YEATS2: variants seen among roughly 807,000 people sequenced by gnomAD.
YEATS2 encodes YEATS domain containing 2, also known as YEATS domain-containing protein 2.
YEATS2 carries 77 observed loss-of-function variants against 163.2 expected under a neutral mutation model. That is an observed-to-expected ratio of 0.47 (90% CI 0.39 to 0.57). YEATS2 has a LOEUF of 0.57. Ranked by LOEUF, YEATS2 falls within the 20% of genes least tolerant of loss-of-function variation. The pLI, the probability that YEATS2 is intolerant of heterozygous loss-of-function variation, is 0.00. For missense variants in YEATS2, 1,549 were observed against 1,729.8 expected (o/e 0.90, Z 1.85); for synonymous variants, 631 against 645.1 (o/e 0.98, Z 0.33).
At chr3:183,801,570 C>A in intron 25 of YEATS2, 42 bp downstream of exon 25, 2 of 1,476,518 alleles carry the variant, frequency 1.4e-6, no homozygotes, top group Non-Finnish European at 1.9e-6. Flanking sequence ...TTTTTGAAAG[C>A]TGTGAACTTA....
At chr3:183,807,650 T>C (rs1726356376) in intron 28 of YEATS2, 1 of 214,096 alleles carries the variant, frequency 4.7e-6, no homozygotes, top group South Asian at 7.2e-5. Context: ...TGTGCTTTCA[T>C]TGGATGCCAT....
chr3:183,812,510 AAAAG>A lies in YEATS2; in HGVS notation c.*1931_*1934del, dbSNP rs1443432554. The A allele has an allele frequency of 6.5e-6, 1 of 152,682 alleles. No individual in the cohort carries two copies. The highest frequency in any genetic ancestry group is 1.5e-5 in the Non-Finnish European group (1 of 68,042). 9.5% of individuals were successfully genotyped at this position (152,682 alleles called of 1,614,324 possible). A position where few individuals can be genotyped will look rare whatever the true frequency, so the allele number is the denominator to read the frequency against. On this transcript the variant is annotated 3_prime_UTR_variant, in exon 31 of 31. Coordinates refer to ENST00000305135, the MANE Select transcript of YEATS2 (RefSeq NM_018023.5). ...CAGCCTAAAGAAATTATCTTTTTGC[AAAAG>A]AAATATTAAATGATTTAGCAGTCTC... is the stretch of plus-strand genomic sequence containing the variant.
chr3:183,730,052 G>GTTTGTTTTTTTTTTTTTTTT lies in YEATS2; in HGVS notation c.812+1204_812+1205insGTTTTTTTTTTTTTTTTTTT, dbSNP rs1560244258. ...ATATTAATTGTGTGGTTTTTTGTTT[G>GTTTGTTTTTTTTTTTTTTTT]TTTTTTTTTTTTTTTTTTTTTTTTT... On this transcript the variant is annotated intron_variant, in intron 7 of 30. Coordinates refer to ENST00000305135, the MANE Select transcript of YEATS2 (RefSeq NM_018023.5). Among the ~76,000 whole-genome samples, 10 of 41,718 alleles carry GTTTGTTTTTTTTTTTTTTTT rather than the reference G, an allele frequency of 2.4e-4. 1 individual carries two copies. Among genetic ancestry groups the GTTTGTTTTTTTTTTTTTTTT allele is most frequent in the South Asian group, 1.4e-3 (1 of 702 alleles). The allele number at this position is 41,718 out of a possible 152,430, so 27.4% of individuals were successfully genotyped here.
intron 7 of YEATS2, among the ~76,000 whole-genome samples, chr3:183,732,018 A>G (rs1323910571): frequency 3.4e-5 from 5 of 148,012 alleles, no homozygotes; most frequent in African/African-American, 1.3e-4. Context: ...GAGAAATCAT[A>G]TGCTGTGATC....
chr3:183,723,543 A>T (rs1716756300), intron 5 of YEATS2, among the ~76,000 whole-genome samples: 1 of 152,228 alleles, frequency 6.6e-6, no homozygotes, highest in Admixed American at 6.5e-5. Flanking sequence ...AGAACTCTTC[A>T]CTGTTTGGAT....
chr3:183,788,028 A>C (rs2108467678), intron 20 of YEATS2, among the ~76,000 whole-genome samples: 1 of 152,274 alleles, frequency 6.6e-6, no homozygotes, highest in East Asian at 1.9e-4. Context: ...ATAAATTATT[A>C]TGGGTACATA....
intron 1 of YEATS2, among the ~76,000 whole-genome samples, chr3:183,712,275 A>G (rs1715355009): frequency 7.6e-6 from 1 of 132,084 alleles, no homozygotes; most frequent in Non-Finnish European, 1.6e-5. Context: ...CAGTGGTACA[A>G]TCTCGGCTCA....
chr3:183,780,871 A>C (rs1723499343), intron 19 of YEATS2, among the ~76,000 whole-genome samples: 1 of 152,230 alleles, frequency 6.6e-6, no homozygotes. Flanking sequence ...TGGAACATTA[A>C]CAAATTGATT....
chr3:183,806,080 G>C, intron 27 of YEATS2: 1 of 351,288 alleles, frequency 2.8e-6, no homozygotes, highest in South Asian at 2.2e-5. Context: ...TTGATGTTGT[G>C]ACTTTACAAT....
chr3:183,779,609 A>G (rs1429067739), intron 19 of YEATS2, among the ~76,000 whole-genome samples: 1 of 152,222 alleles, frequency 6.6e-6, no homozygotes, highest in Non-Finnish European at 1.5e-5. Flanking sequence ...ACCGTGCTTT[A>G]TAGCCCTCTG....
chr3:183,772,379 C>T lies in YEATS2; in HGVS notation c.2022C>T (p.Ile674=), dbSNP rs1381700262. The change falls in exon 16 of 31, where the codon ATC becomes ATT. Residue 674 remains isoleucine (I), a synonymous_variant. Coordinates refer to ENST00000305135, the MANE Select transcript of YEATS2 (RefSeq NM_018023.5). ...CTGTGGCGATCAGTGGTGGCCAGAT[C>T]CTGGTAGCCAAGGCCAGCTCTTCTG... ...KQAVAISGGQ[I]LVAKASSSVS... The T allele has an allele frequency of 6.2e-7, 1 of 1,614,168 alleles. No homozygotes were observed. Among genetic ancestry groups the T allele is most frequent in the Admixed American group, 1.7e-5 (1 of 60,014 alleles).
intron 8 of YEATS2, 79 bp from the exon 9 acceptor site, chr3:183,747,593 G>A (rs1462778734): frequency 1.6e-6 from 2 of 1,217,308 alleles, no homozygotes; most frequent in Non-Finnish European, 2.4e-6. Flanking sequence ...CAAAAGAGCT[G>A]TAGATAAAGA....
At chr3:183,722,883 A>G (rs1716674563) in intron 5 of YEATS2, among the ~76,000 whole-genome samples, 1 of 151,636 alleles carries the variant, frequency 6.6e-6, no homozygotes, top group African/African-American at 2.4e-5. Context: ...CGAACTCCTG[A>G]CTTCATGATC....
chr3:183,763,113 C>A (rs1721546222), intron 15 of YEATS2, among the ~76,000 whole-genome samples: 1 of 151,518 alleles, frequency 6.6e-6, no homozygotes, highest in Admixed American at 6.6e-5. Context: ...TTTCCTGAAT[C>A]AATTGGAAAT....
At chr3:183,786,345 A>G (rs781152999) in intron 20 of YEATS2, 44 bp downstream of exon 20, 10 of 1,563,258 alleles carry the variant, frequency 6.4e-6, no homozygotes, top group African/African-American at 1.3e-5. Flanking sequence ...GAGACATGAA[A>G]GTGGTGTAGA....
chr3:183,772,251 C>G, intron 15 of YEATS2, 54 bp from the exon 16 acceptor site: 4 of 1,603,880 alleles, frequency 2.5e-6, no homozygotes, highest in Non-Finnish European at 3.4e-6. Flanking sequence ...AAAACGGTGA[C>G]TGCTGTTCTA....
intron 28 of YEATS2, 157 bp downstream of exon 28, chr3:183,807,249 C>A: frequency 1.5e-6 from 1 of 676,138 alleles, no homozygotes; most frequent in Admixed American, 2.8e-5. Flanking sequence ...CTTCCTTCTG[C>A]CTGGTTGACC....
chr3:183,728,505 T>G (rs1474954272), intron 6 of YEATS2, among the ~76,000 whole-genome samples, 185 bp from the exon 7 acceptor site: 1 of 152,204 alleles, frequency 6.6e-6, no homozygotes, highest in Non-Finnish European at 1.5e-5. Flanking sequence ...GCCCCAGCTA[T>G]GTTTTAGAAA....
chr3:183,790,159 G>A (rs1724472275), intron 20 of YEATS2, among the ~76,000 whole-genome samples: 1 of 152,156 alleles, frequency 6.6e-6, no homozygotes, highest in Non-Finnish European at 1.5e-5. Context: ...CTTAAATCTG[G>A]AAGATTCCTC....
Sources: allele counts gnomAD v4.1 joint callset (sites outside exome capture counted in the v4.1 genomes callset), GRCh38; gene constraint gnomAD v4.1.1; transcripts MANE v1.5; gene names NCBI Gene and HGNC (gene_info 2026-07-23, HGNC 2026-07-21).